Variants in CCDC125 observed in about 807,000 individuals in gnomAD.
CCDC125 encodes the protein coiled-coil domain containing 125.
In CCDC125, 43 loss-of-function variants were observed where a neutral mutation model predicts 57.4. The ratio of observed to expected loss-of-function variants is 0.75; its 90% confidence interval spans 0.59 to 0.97. The LOEUF (loss-of-function observed/expected upper bound fraction) is 0.97, where lower values mean the gene tolerates loss of function less well. Ranked by LOEUF, CCDC125 falls within the 50% of genes least tolerant of loss-of-function variation. CCDC125 has a pLI of 0.00. For missense variants in CCDC125, 563 were observed against 595.7 expected, an observed-to-expected ratio of 0.95 and a Z score of 0.57; for synonymous variants, 187 against 195.2, an observed-to-expected ratio of 0.96 and a Z score of 0.35.
intron 6 of CCDC125, among the ~76,000 whole-genome samples, chr5:69,304,143 C>T (rs1247470744): frequency 1.4e-5 from 2 of 148,044 alleles, no homozygotes; most frequent in South Asian, 2.1e-4. Flanking sequence ...CTCACTCTGT[C>T]GCCCAGGCTG....
intron 6 of CCDC125, among the ~76,000 whole-genome samples, chr5:69,305,562 G>C (rs1242961902): frequency 6.6e-6 from 1 of 152,188 alleles, no homozygotes; most frequent in Non-Finnish European, 1.5e-5. Context: ...ACAGCAAACT[G>C]TTTATCATGA....
At chr5:69,285,585 T>C (rs1753205604) in intron 10 of CCDC125, 118 bp from the exon 11 acceptor site, 3 of 1,016,960 alleles carry the variant, frequency 2.9e-6, no homozygotes, top group African/African-American at 1.6e-5. Context: ...CAGTGGAATG[T>C]AGTGAGCAGA....
the CCDC125 span, among the ~76,000 whole-genome samples, chr5:69,274,078 G>A: frequency 6.6e-6 from 1 of 152,024 alleles, no homozygotes; most frequent in Non-Finnish European, 1.5e-5. Flanking sequence ...ATACTTCTAT[G>A]TATATTATTT....
chr5:69,295,597 T>C (rs1755177111), intron 8 of CCDC125, among the ~76,000 whole-genome samples: 1 of 152,158 alleles, frequency 6.6e-6, no homozygotes, highest in Non-Finnish European at 1.5e-5. Context: ...CCTTTCTGCT[T>C]CCATCACTGA....
At chr5:69,290,538 G>C (rs1220263779) in intron 10 of CCDC125, among the ~76,000 whole-genome samples, 1 of 150,466 alleles carries the variant, frequency 6.6e-6, no homozygotes, top group Non-Finnish European at 1.5e-5. Flanking sequence ...CCTGACCTCA[G>C]GTGATCTGCC....
intron 6 of CCDC125, among the ~76,000 whole-genome samples, chr5:69,306,568 TC>T (rs1339071040): frequency 2.4e-4 from 37 of 152,242 alleles, no homozygotes; most frequent in African/African-American, 8.4e-4. Context: ...ACTCAAGTGA[TC>T]CTCAGATCCA....
chr5:69,320,323 C>G lies in CCDC125; in HGVS notation c.218G>C (p.Ser73Thr). 6.2e-7 allele frequency: 1 copy of G among 1,613,996 alleles called. No individual in the cohort carries two copies. The highest frequency in any genetic ancestry group is 8.5e-7 in the Non-Finnish European group (1 of 1,179,988). The stretch of plus-strand genomic sequence containing the variant: ...GCTCTTATGCTTGGAATACTGAAAA[C>G]TCGCTTCATTTCTTTCTTCTCCCTT... ...PRKGEERNEASFQYSKHKSQQ... is the reference protein window; with the variant it reads ...PRKGEERNEATFQYSKHKSQQ... The change falls in exon 2 of 12, where the codon AGT becomes ACT. Residue 73 changes from serine (S) to threonine (T), a missense_variant. Coordinates refer to ENST00000396496, the MANE Select transcript of CCDC125 (RefSeq NM_176816.5).
chr5:69,285,536 G>C lies in CCDC125; in HGVS notation c.1100-69C>G, dbSNP rs947974790. The stretch of plus-strand genomic sequence containing the variant: ...TCACTGATATACTTCCAGCAAAAGA[G>C]GTAACTTGATCTCTAGGACAAGTGA... On this transcript the variant is annotated intron_variant, in intron 10 of 11. Coordinates refer to ENST00000396496, the MANE Select transcript of CCDC125 (RefSeq NM_176816.5). The C allele has an allele frequency of 3.4e-6, 5 of 1,476,862 alleles. No individual in the cohort carries two copies. The Admixed American group carries it at 6.6e-5, about 19-fold the overall frequency. The allele number at this position is 1,476,862 out of a possible 1,614,324, so 91.5% of individuals were successfully genotyped here.
At chr5:69,330,371 G>A (rs930874391) in intron 1 of CCDC125, among the ~76,000 whole-genome samples, 3 of 151,846 alleles carry the variant, frequency 2.0e-5, no homozygotes, top group Non-Finnish European at 4.4e-5. Context: ...TGAGGCGGGC[G>A]GATCATGAGG....
Position 69,282,762 on chromosome 5 carries a change from T to A in CCDC125, c.1503A>T (p.Arg501Ser). 1 of 1,601,726 alleles carries A rather than the reference T, an allele frequency of 6.2e-7. No homozygotes were observed. Among genetic ancestry groups the A allele is most frequent in the South Asian group, 1.1e-5 (1 of 87,252 alleles). The change falls in exon 12 of 12, where the codon AGA (arginine) becomes AGT (serine). Residue 501 changes from arginine to serine, a missense_variant. Physicochemically the swap from Arg to Ser is moderately radical, Grantham distance 110. Coordinates refer to ENST00000396496, the MANE Select transcript of CCDC125 (RefSeq NM_176816.5). ...QIDPNYRTLK[R>S]SHSLPSSIIF ...TGATACTTGATGGCAAAGAATGGGA[T>A]CTTTTAAGAGTTCTATAGTTTGGAT... is the stretch of plus-strand genomic sequence containing the variant.
At chr5:69,305,279 T>G (rs1364623350) in intron 6 of CCDC125, among the ~76,000 whole-genome samples, 2 of 152,116 alleles carry the variant, frequency 1.3e-5, no homozygotes, top group African/African-American at 4.8e-5. Flanking sequence ...AGTGGCCCAG[T>G]CTCAGGTCCC....
chr5:69,284,295 A>G (rs1290386058), intron 11 of CCDC125, among the ~76,000 whole-genome samples: 3 of 152,186 alleles, frequency 2.0e-5, no homozygotes, highest in Non-Finnish European at 1.5e-5. Context: ...AATTGCTTTC[A>G]TATATTTGTA....
intron 2 of CCDC125, among the ~76,000 whole-genome samples, chr5:69,315,684 G>C (rs547670722): frequency 9.6e-5 from 14 of 146,522 alleles, no homozygotes; most frequent in Non-Finnish European, 1.5e-4. Context: ...CTTGAACCCG[G>C]GAGTCAAAGG....
intron 10 of CCDC125, among the ~76,000 whole-genome samples, chr5:69,288,740 C>CAGAGA: frequency 6.6e-6 from 1 of 152,208 alleles, no homozygotes. Flanking sequence ...GTGCTTTTGA[C>CAGAGA]TGGCATTTGG....
At chr5:69,299,867 C>G in intron 8 of CCDC125, 145 bp downstream of exon 8, 1 of 671,896 alleles carries the variant, frequency 1.5e-6, no homozygotes, top group Non-Finnish European at 2.7e-6. Context: ...CTGGAAGAAC[C>G]AACCTGGGCC....
At chr5:69,293,483 C>G (rs1754819025) in intron 9 of CCDC125, among the ~76,000 whole-genome samples, 1 of 151,934 alleles carries the variant, frequency 6.6e-6, no homozygotes, top group Non-Finnish European at 1.5e-5. Flanking sequence ...AACCCCGTCT[C>G]TACTAAAAAT....
rs765995374 is a variant in CCDC125 at position 69,320,449 on chromosome 5, C to T, written c.92G>A (p.Gly31Asp). 1 of 1,613,560 alleles carries T rather than the reference C, an allele frequency of 6.2e-7. No individual in the cohort carries two copies. The highest frequency in any genetic ancestry group is 1.1e-5 in the South Asian group (1 of 91,074). Residue 31 changes from glycine to aspartate, a missense_variant, in exon 2 of 12, where the codon GGC (glycine) becomes GAC (aspartate). By Grantham distance (94) the Gly-to-Asp change is moderately conservative (BLOSUM62 -1). Transcript: ENST00000396496. ...AATCCCACCAGGTTTCCTTCCGAGGCCATACCCTAAATCACCTTCTGTCAT... is the reference window on the plus strand; with the variant it reads ...AATCCCACCAGGTTTCCTTCCGAGGTCATACCCTAAATCACCTTCTGTCAT... ...DDMTEGDLGY[G>D]LGRKPGGIYE...
At chr5:69,307,792 G>C in intron 5 of CCDC125, 159 bp downstream of exon 5, 1 of 616,578 alleles carries the variant, frequency 1.6e-6, no homozygotes, top group South Asian at 2.0e-5. Context: ...ATGACAATCT[G>C]TTTTAGATTG....
intron 10 of CCDC125, among the ~76,000 whole-genome samples, chr5:69,289,906 A>G (rs2150335952): frequency 6.6e-6 from 1 of 151,674 alleles, no homozygotes; most frequent in Admixed American, 6.6e-5. Flanking sequence ...TCGGGAATTT[A>G]GCCATTATAT....
Sources: allele counts gnomAD v4.1 joint callset (sites outside exome capture counted in the v4.1 genomes callset), GRCh38; gene constraint gnomAD v4.1.1; transcripts MANE v1.5; gene names NCBI Gene and HGNC (gene_info 2026-07-23, HGNC 2026-07-21).